Variants in DNAH11 observed in about 807,000 individuals in gnomAD.
The protein encoded by DNAH11 is axonemal beta dynein heavy chain 11.
In DNAH11, 442 loss-of-function variants were observed where a neutral mutation model predicts 526.0. The observed-to-expected ratio is 0.84, with a 90% CI of 0.78 to 0.91. DNAH11 has a LOEUF of 0.91. DNAH11 is among the 40% of genes least tolerant of loss of function. The pLI is 0.00. For missense variants in DNAH11, 6,989 were observed against 5,448.7 expected (o/e 1.28, Z -8.90); for synonymous variants, 2,461 against 1,935.9 (o/e 1.27, Z -7.12).
intron 30 of DNAH11, among the ~76,000 whole-genome samples, chr7:21,673,247 T>G (rs76082989): frequency 0.018 from 2,701 of 152,252 alleles, 50 homozygotes; most frequent in Non-Finnish European, 0.023. Flanking sequence ...TACAGTGAGA[T>G]CTTAGAATTG....
At chr7:21,710,795 T>C in intron 41 of DNAH11, 92 bp downstream of exon 41, 3 of 1,282,290 alleles carry the variant, frequency 2.3e-6, no homozygotes, top group Non-Finnish European at 3.1e-6. Flanking sequence ...TAGTTTTTGC[T>C]CATTAACCTG....
intron 25 of DNAH11, among the ~76,000 whole-genome samples, chr7:21,625,921 AC>A (rs1198399807): frequency 6.6e-6 from 1 of 152,076 alleles, no homozygotes; most frequent in Non-Finnish European, 1.5e-5. Context: ...GACTTGGAAA[AC>A]ATTTATGTTT....
Position 21,735,754 on chromosome 7 carries a change from T to C in DNAH11, c.7555T>C (p.Phe2519Leu). 6.2e-7 allele frequency: 1 copy of C among 1,614,024 alleles called. No homozygotes were observed. The highest frequency in any genetic ancestry group is 8.5e-7 in the Non-Finnish European group (1 of 1,179,902). ...AAATGCAGGAGTGGGAAAAACAGTCTTTGTAGGTGACACATTGGCAAGTCT... is the reference window on the plus strand; with the variant it reads ...AAATGCAGGAGTGGGAAAAACAGTCCTTGTAGGTGACACATTGGCAAGTCT... ...VGNAGVGKTV[F>L]VGDTLASLSE... is the part of the protein sequence containing the mutation. The change falls in exon 46 of 82, where the codon TTT (phenylalanine) becomes CTT (leucine). Residue 2519 changes from phenylalanine to leucine, a missense_variant. Coordinates refer to ENST00000409508, the MANE Select transcript of DNAH11 (RefSeq NM_001277115.2).
intron 35 of DNAH11, among the ~76,000 whole-genome samples, chr7:21,692,107 T>C (rs927528128): frequency 6.6e-6 from 1 of 152,218 alleles, no homozygotes; most frequent in Admixed American, 6.5e-5. Flanking sequence ...GGTTCAGTTT[T>C]CCAGAAAACT....
At chr7:21,660,809 T>A (rs979665896) in intron 30 of DNAH11, among the ~76,000 whole-genome samples, 15 of 152,106 alleles carry the variant, frequency 9.9e-5, no homozygotes, top group Non-Finnish European at 2.1e-4. Flanking sequence ...ATACACATTT[T>A]AAAAAATTAT....
intron 62 of DNAH11, among the ~76,000 whole-genome samples, chr7:21,807,213 A>G (rs899910284): frequency 6.6e-6 from 1 of 152,168 alleles, no homozygotes; most frequent in East Asian, 1.9e-4. Flanking sequence ...AAATCCTGAC[A>G]TCAGGCCAGG....
chr7:21,845,157 C>G lies in DNAH11; in HGVS notation c.10896+2409C>G, dbSNP rs561953232. ...TGGATATGTGACTTATAAAAATTTT[C>G]TCCCATTCTGTGGGCTGTCTTTTCA... On this transcript the variant is annotated intron_variant, in intron 66 of 81. Coordinates refer to ENST00000409508, the MANE Select transcript of DNAH11 (RefSeq NM_001277115.2). Among the ~76,000 whole-genome samples, 7 of 152,244 alleles carry G rather than the reference C, an allele frequency of 4.6e-5. No homozygotes were observed. The South Asian group carries it at 1.4e-3, about 32-fold the overall frequency.
In DNAH11 at chr7:21,807,520, C is replaced by A. The variant is rs114605666; in HGVS notation, c.10166-363C>A. On this transcript the variant is annotated intron_variant, in intron 62 of 81. Coordinates refer to ENST00000409508, the MANE Select transcript of DNAH11 (RefSeq NM_001277115.2). ...TCAAATAAATAAATAATCTTAACAT[C>A]ACTCGTTCTTGGCCACAGCTCTTGG... Among the ~76,000 whole-genome samples the A allele has an allele frequency of 4.8e-3, 732 of 152,258 alleles. 8 individuals carry two copies. Among genetic ancestry groups the A allele is most frequent in the African/African-American group, 0.017 (686 of 41,548 alleles).
intron 80 of DNAH11, 111 bp from the exon 81 acceptor site, chr7:21,899,869 A>G (rs1784687603): frequency 2.2e-6 from 3 of 1,372,518 alleles, no homozygotes; most frequent in East Asian, 2.5e-5. Flanking sequence ...GCCAATGCCC[A>G]AGAACCTAAA....
intron 29 of DNAH11, 82 bp from the exon 30 acceptor site, chr7:21,658,716 C>A: frequency 8.4e-7 from 1 of 1,191,662 alleles, no homozygotes; most frequent in Non-Finnish European, 1.2e-6. Flanking sequence ...TTACCCTCTG[C>A]GTGGCCTTAG....
In DNAH11 at chr7:21,591,030, A is replaced by G. The variant is rs1441766443; in HGVS notation, c.2274+8A>G. On this transcript the variant is annotated splice_region_variant and intron_variant, in intron 13 of 81. Transcript: ENST00000409508. ...AGGAACACTATTTTAAAGGTTTGTG[A>G]TTTTTGTTAAAAAAAAGATACTAGG... is the stretch of plus-strand genomic sequence containing the variant. 6.8e-7 allele frequency: 1 copy of G among 1,478,606 alleles called. No homozygotes were observed. Among genetic ancestry groups the G allele is most frequent in the Non-Finnish European group, 8.9e-7 (1 of 1,120,794 alleles). The allele number at this position is 1,478,606 out of a possible 1,614,324, so 91.6% of individuals were successfully genotyped here.
Position 21,894,986 on chromosome 7 carries a change from GGCCTAGCCCAGTGGTAA to G in DNAH11, c.13039_13049+6del. 6.2e-7 allele frequency: 1 copy of G among 1,613,830 alleles called. No homozygotes were observed. Among genetic ancestry groups the G allele is most frequent in the Non-Finnish European group, 8.5e-7 (1 of 1,179,830 alleles). ...CAAACTGGCTTATCCTTCTACTTAT[GGCCTAGCCCAGTGGTAA>G]GCTACCCCATCCTCACTGCCACTGG... On this transcript the variant is annotated splice_donor_variant and splice_donor_region_variant and coding_sequence_variant and intron_variant, in exon 79 of 82. Transcript: ENST00000409508. LOFTEE classifies it high-confidence loss of function.
intron 65 of DNAH11, among the ~76,000 whole-genome samples, chr7:21,833,548 A>G (rs1781872213): frequency 6.6e-6 from 1 of 152,050 alleles, no homozygotes; most frequent in Admixed American, 6.6e-5. Flanking sequence ...GATAAAAATT[A>G]GCCCAGCATG....
In DNAH11 at chr7:21,750,293, G is replaced by C. The variant is rs767946129; in HGVS notation, c.8869G>C (p.Ala2957Pro). The change falls in exon 54 of 82, where the codon GCT (alanine) becomes CCT (proline). Residue 2957 changes from alanine to proline, a missense_variant. Coordinates refer to ENST00000409508, the MANE Select transcript of DNAH11 (RefSeq NM_001277115.2). ...IISGIHNEVH[A>P]LGMVDSRENC... ...TTCTGGAATTCATAATGAAGTTCAT[G>C]CTCTGGGCATGGTAGACTCCAGGGA... 2 of 1,605,120 alleles carry C rather than the reference G, an allele frequency of 1.2e-6. No homozygotes were observed. The highest frequency in any genetic ancestry group is 2.7e-5 in the African/African-American group (2 of 74,838).
At chr7:21,573,497 G>T (rs1326887196) in intron 8 of DNAH11, among the ~76,000 whole-genome samples, 1 of 152,086 alleles carries the variant, frequency 6.6e-6, no homozygotes, top group Non-Finnish European at 1.5e-5. Flanking sequence ...TGTTGAAAAT[G>T]ACCATTACTT....
chr7:21,745,056 C>A lies in DNAH11; in HGVS notation c.8503C>A (p.Gln2835Lys). ...MHLVLFEDAM[Q>K]HVCRISRILR... ...CCTAGTTTTGTTTGAAGATGCCATGCAACATGTGTGAGTTAACTAGTCACG... is the reference window on the plus strand; with the variant it reads ...CCTAGTTTTGTTTGAAGATGCCATGAAACATGTGTGAGTTAACTAGTCACG... The change falls in exon 51 of 82, where the codon CAA (glutamine) becomes AAA (lysine). Residue 2835 changes from glutamine (Q) to lysine (K), a missense_variant. By Grantham distance (53) the Gln-to-Lys change is moderately conservative. Transcript: ENST00000409508. 1.9e-6 allele frequency: 3 copies of A among 1,605,640 alleles called. No individual in the cohort carries two copies. Among genetic ancestry groups the A allele is most frequent in the Middle Eastern group, 1.7e-4 (1 of 6,034 alleles).
At chr7:21,738,281 G>A (rs935182760) in intron 46 of DNAH11, among the ~76,000 whole-genome samples, 1 of 152,184 alleles carries the variant, frequency 6.6e-6, no homozygotes, top group African/African-American at 2.4e-5. Context: ...GACAGGTATG[G>A]GAGACTTTCC....
chr7:21,629,734 G>A (rs1237693743), intron 25 of DNAH11, among the ~76,000 whole-genome samples: 1 of 151,870 alleles, frequency 6.6e-6, no homozygotes, highest in Non-Finnish European at 1.5e-5. Context: ...TCTAAGTATA[G>A]CTACTCTTAC....
Position 21,778,996 on chromosome 7 carries a change from C to A in DNAH11, c.9375C>A (p.Ala3125=). ...DLKARLASQE[A]ELQLRNHDAE... ...AAGCCAGACTTGCCTCTCAAGAAGC[C>A]GAGCTGCAACTGAGAAATCATGATG... The change falls in exon 57 of 82, where the codon GCC becomes GCA. Residue 3125 remains alanine, a synonymous_variant. Coordinates refer to ENST00000409508, the MANE Select transcript of DNAH11 (RefSeq NM_001277115.2). 1 of 1,613,286 alleles carries A rather than the reference C, an allele frequency of 6.2e-7. No individual in the cohort carries two copies. Among genetic ancestry groups the A allele is most frequent in the South Asian group, 1.1e-5 (1 of 91,020 alleles).
Sources: gnomAD v4.1 joint callset for allele counts (sites outside exome capture counted in the v4.1 genomes callset) on GRCh38, gnomAD v4.1.1 for gene constraint, MANE v1.5 for transcripts, NCBI Gene and HGNC (gene_info 2026-07-23, HGNC 2026-07-21) for gene names.